Variants in ACACB observed in about 807,000 individuals in gnomAD.
ACACB encodes acetyl-CoA carboxylase 2.
ACACB carries 209 observed loss-of-function variants against 278.8 expected under a neutral mutation model. The observed-to-expected ratio is 0.75, with a 90% CI of 0.67 to 0.84. The LOEUF (loss-of-function observed/expected upper bound fraction) is 0.84. Among genes scored for constraint, ACACB ranks in the 40% least tolerant of loss-of-function variants. The pLI, the probability that ACACB is intolerant of heterozygous loss-of-function variation, is 0.00. For missense variants in ACACB, 2,850 were observed against 3,269.0 expected, an observed-to-expected ratio of 0.87 and a Z score of 3.13; for synonymous variants, 1,174 against 1,285.6, an observed-to-expected ratio of 0.91 and a Z score of 1.86.
chr12:109,211,437 A>G (rs11616172), intron 21 of ACACB, among the ~76,000 whole-genome samples: 50,987 of 148,592 alleles, frequency 0.34, 9,213 homozygotes, highest in African/African-American at 0.47. Context: ...TTTTTTAGTG[A>G]AGATGGGTTT....
At position 109,246,177 on chromosome 12, in the gene ACACB, A is replaced by G. The variant is rs1565967712; in HGVS notation, c.5302-2A>G. The stretch of plus-strand genomic sequence containing the variant: ...TTCCTTGTGCATTCATCCCCTTGCC[A>G]GGTGGGCATGGTGGCCTTCAAAATG... On this transcript the variant is annotated splice_acceptor_variant, in intron 38 of 52. Transcript: ENST00000338432. LOFTEE classifies it high-confidence loss of function. 5.0e-6 allele frequency: 8 copies of G among 1,607,096 alleles called. No individual in the cohort carries two copies. Among genetic ancestry groups the G allele is most frequent in the Non-Finnish European group, 6.0e-6 (7 of 1,174,296 alleles).
At chr12:109,178,970 C>G in intron 9 of ACACB, 118 bp from the exon 10 acceptor site, 1 of 917,976 alleles carries the variant, frequency 1.1e-6, no homozygotes, top group Non-Finnish European at 1.7e-6. Flanking sequence ...CAGCAGAGTC[C>G]TGGATGAGTA....
In ACACB at chr12:109,246,216, A is replaced by C; in HGVS notation, c.5339A>C (p.Gln1780Pro). The C allele has an allele frequency of 6.2e-7, 1 of 1,613,896 alleles. No homozygotes were observed. The highest frequency in any genetic ancestry group is 8.5e-7 in the Non-Finnish European group (1 of 1,180,000). Residue 1780 changes from glutamine to proline, a missense_variant, in exon 39 of 53, where the codon CAG becomes CCG. By Grantham distance (76) the Gln-to-Pro change is moderately conservative. This residue lies in a region of ACACB where 2,265 missense variants were observed against 2,561.3 expected (regional missense o/e 0.88). Transcript: ENST00000338432. Reference protein sequence around the residue: ...MVAFKMRFKTQEYPEGRDVIV... With the variant: ...MVAFKMRFKTPEYPEGRDVIV... ...GCCTTCAAAATGAGGTTTAAGACCC[A>C]GGAGTACCCGGAAGGACGGGATGTG...
intron 1 of ACACB, among the ~76,000 whole-genome samples, chr12:109,133,864 T>TATATATATATATATATA (rs1555202940): frequency 3.7e-4 from 9 of 24,224 alleles, no homozygotes; most frequent in African/African-American, 1.1e-3. Flanking sequence ...TATATATATA[T>TATATATATATATATATA]TTTTTTTTTT....
intron 21 of ACACB, among the ~76,000 whole-genome samples, chr12:109,209,682 T>G (rs1389960229): frequency 6.6e-6 from 1 of 151,752 alleles, no homozygotes; most frequent in African/African-American, 2.4e-5. Flanking sequence ...AAACTGCAAG[T>G]TTTTTTATTT....
chr12:109,167,621 G>GCATATA (rs1408673157), intron 3 of ACACB, among the ~76,000 whole-genome samples: 25 of 77,524 alleles, frequency 3.2e-4, no homozygotes, highest in African/African-American at 1.3e-3. Context: ...ATATGTATGT[G>GCATATA]TATATATATA....
Position 109,139,655 on chromosome 12 carries a change from G to A in ACACB, c.250G>A (p.Asp84Asn), listed in dbSNP as rs778771224. The A allele has an allele frequency of 3.1e-6, 5 of 1,614,060 alleles. No homozygotes were observed. In the South Asian group the frequency reaches 5.5e-5, roughly 18 times the overall value. Residue 84 changes from aspartate to asparagine, a missense_variant, in exon 2 of 53, where the codon GAT becomes AAT. Asp to Asn is a conservative substitution (Grantham distance 23). Coordinates refer to ENST00000338432, the MANE Select transcript of ACACB (RefSeq NM_001093.4). ...AEPASHKGPK[D>N]AGRRRNSLPP... ...GCCAGCCTCCCACAAAGGCCCCAAA[G>A]ATGCCGGTCGGCGGAGAAACTCCCT...
intron 15 of ACACB, among the ~76,000 whole-genome samples, chr12:109,192,835 T>A (rs1326449023): frequency 1.3e-5 from 2 of 152,054 alleles, no homozygotes; most frequent in African/African-American, 2.4e-5. Flanking sequence ...CCAATTTTTT[T>A]AACTTTTTGC....
intron 27 of ACACB, among the ~76,000 whole-genome samples, 159 bp from the exon 28 acceptor site, chr12:109,227,212 A>C (rs1477828701): frequency 2.6e-5 from 4 of 152,142 alleles, no homozygotes; most frequent in Admixed American, 6.6e-5. Context: ...TGGCCTTCCA[A>C]AATGCTGGAT....
rs1459956108 is a variant in ACACB at position 109,212,856 on chromosome 12, C to T, written c.3270C>T (p.Cys1090=). 6.2e-7 allele frequency: 1 copy of T among 1,613,922 alleles called. No individual in the cohort carries two copies. Among genetic ancestry groups the T allele is most frequent in the Non-Finnish European group, 8.5e-7 (1 of 1,179,946 alleles). ...TCCAGATAGCCACCATCCTGGACTG[C>T]CATGCAGCCACCCTGCAGCGGAAGG... is the stretch of plus-strand genomic sequence containing the variant. The part of the protein sequence containing the change: ...PSQQIATILD[C]HAATLQRKAD... The change falls in exon 22 of 53, where the codon TGC becomes TGT. Residue 1090 remains cysteine (C), a synonymous_variant. Transcript: ENST00000338432.
chr12:109,194,938 G>A (rs970381956), intron 16 of ACACB, among the ~76,000 whole-genome samples: 3 of 152,124 alleles, frequency 2.0e-5, no homozygotes, highest in Non-Finnish European at 2.9e-5. Flanking sequence ...TCTGCACCAC[G>A]TGTAGATTAC....
At position 109,259,031 on chromosome 12, in the gene ACACB, C is replaced by T. The variant is rs1475845404; in HGVS notation, c.6419C>T (p.Ala2140Val). ...FPDSAYKTAQ[A>V]VKDFNREKLP... The stretch of plus-strand genomic sequence containing the variant: ...GACTCAGCCTACAAAACCGCCCAGG[C>T]CGTCAAGGACTTCAACCGGGAGAAG... The change falls in exon 47 of 53, where the codon GCC becomes GTC. Residue 2140 changes from alanine (A) to valine (V), a missense_variant. Physicochemically the swap from Ala to Val is moderately conservative, Grantham distance 64. This residue lies in a region of ACACB where 579 missense variants were observed against 684.6 expected (regional missense o/e 0.85). Coordinates refer to ENST00000338432, the MANE Select transcript of ACACB (RefSeq NM_001093.4). 1.2e-6 allele frequency: 2 copies of T among 1,614,160 alleles called. No individual in the cohort carries two copies. The highest frequency in any genetic ancestry group is 3.3e-5 in the Admixed American group (2 of 60,026).
intron 2 of ACACB, among the ~76,000 whole-genome samples, chr12:109,164,846 G>C (rs937282071): frequency 4.0e-5 from 6 of 150,882 alleles, no homozygotes; most frequent in African/African-American, 1.2e-4. Context: ...GCTTTCCAAG[G>C]TGCTGGGATT....
intron 31 of ACACB, 32 bp downstream of exon 31, chr12:109,234,077 G>A: frequency 6.5e-7 from 1 of 1,540,952 alleles, no homozygotes; most frequent in South Asian, 1.2e-5. Context: ...TTTTGGTGGG[G>A]GTTCTTGGAG....
chr12:109,215,945 C>T (rs2045982706), intron 22 of ACACB, among the ~76,000 whole-genome samples: 2 of 151,810 alleles, frequency 1.3e-5, no homozygotes, highest in African/African-American at 2.4e-5. Flanking sequence ...CACAGTCATG[C>T]GCTACCACTC....
In ACACB at chr12:109,222,558, C is replaced by G. The variant is rs775770446; in HGVS notation, c.3616C>G (p.Leu1206Val). Residue 1206 changes from leucine to valine, a missense_variant, in exon 25 of 53, where the codon CTC becomes GTC. Transcript: ENST00000338432. Reference sequence around the variant, plus strand: ...CCTGTCGGACGAGCTGATCTCCATCCTCAACGAGCTCACTCAGCTGAGCAA... The same window carrying G: ...CCTGTCGGACGAGCTGATCTCCATCGTCAACGAGCTCACTCAGCTGAGCAA... ...PSLSDELISI[L>V]NELTQLSKSE... is the part of the protein sequence containing the mutation. 2.5e-6 allele frequency: 4 copies of G among 1,614,086 alleles called. No individual in the cohort carries two copies. The highest frequency in any genetic ancestry group is 3.4e-6 in the Non-Finnish European group (4 of 1,180,050).
intron 11 of ACACB, among the ~76,000 whole-genome samples, chr12:109,181,967 C>T (rs537464399): frequency 6.6e-6 from 1 of 151,672 alleles, no homozygotes; most frequent in African/African-American, 2.4e-5. Context: ...CCTCAGCCTC[C>T]TGAGTAGCTG....
intron 25 of ACACB, 36 bp downstream of exon 25, chr12:109,222,656 T>C: frequency 2.5e-6 from 4 of 1,577,296 alleles, no homozygotes; most frequent in Non-Finnish European, 1.7e-6. Flanking sequence ...CGATGTGCGT[T>C]TCCCCCCACC....
At chr12:109,219,343 T>G (rs1405745772) in intron 24 of ACACB, among the ~76,000 whole-genome samples, 2 of 152,226 alleles carry the variant, frequency 1.3e-5, no homozygotes, top group African/African-American at 4.8e-5. Context: ...AAGAATCATT[T>G]AAAAATCTCA....
Sources: allele counts gnomAD v4.1 joint callset (sites outside exome capture counted in the v4.1 genomes callset), GRCh38; gene constraint gnomAD v4.1.1; regional missense constraint gnomAD v4.1.1; transcripts MANE v1.5; gene names NCBI Gene and HGNC (gene_info 2026-07-23, HGNC 2026-07-21).